The following ASB18 variants were observed in gnomAD, a reference collection of about 807,000 sequenced individuals.
ASB18 encodes the protein ankyrin repeat and SOCS box containing 18, also known as ankyrin repeat and SOCS box protein 18.
ASB18 carries 33 observed loss-of-function variants against 33.4 expected under a neutral mutation model. The ratio of observed to expected loss-of-function variants is 0.99; its 90% CI spans 0.75 to 1.32. The LOEUF is 1.32. Among genes scored for constraint, ASB18 ranks in the 40% most tolerant of loss-of-function variants. ASB18 has a pLI of 0.00. For synonymous variants in ASB18, 295 were observed against 307.6 expected, an observed-to-expected ratio of 0.96 and a Z score of 0.43; for missense variants, 694 against 655.5, an observed-to-expected ratio of 1.06 and a Z score of -0.64.
Position 236,260,363 on chromosome 2 carries a change from A to C in ASB18, c.205+3778T>G, listed in dbSNP as rs141540489. On this transcript the variant is annotated intron_variant, in intron 1 of 5. Transcript: ENST00000409749. The surrounding 1 kb of genome is among the most constrained non-coding windows in gnomAD (Gnocchi z 5.1). ...TGTGTTATCATTCCTTCCTCTTCAC[A>C]TTCCTCCTCTCAGGGATTTCGGTGT... Among the ~76,000 whole-genome samples, 84 of 152,000 alleles carry C rather than the reference A, an allele frequency of 5.5e-4. No individual in the cohort carries two copies. Among genetic ancestry groups the C allele is most frequent in the African/African-American group, 1.9e-3 (78 of 41,434 alleles).
At chr2:236,198,290 GTGAA>G (rs2060383666) in intron 4 of ASB18, among the ~76,000 whole-genome samples, 1 of 152,156 alleles carries the variant, frequency 6.6e-6, no homozygotes, top group South Asian at 2.1e-4. Flanking sequence ...ACAACAATGG[GTGAA>G]TGCTTTGCAT....
rs1462731146 is a variant in ASB18 at position 236,260,602 on chromosome 2, A to G, written c.205+3539T>C. Among the ~76,000 whole-genome samples, 1 of 152,240 alleles carries G rather than the reference A, an allele frequency of 6.6e-6. No individual in the cohort carries two copies. The highest frequency in any genetic ancestry group is 1.5e-5 in the Non-Finnish European group (1 of 68,046). ...GAACCTATGCCCATTTTAGGCTGCG[A>G]CAGTGAGTCTTTGGGATTATGGCCT... On this transcript the variant is annotated intron_variant, in intron 1 of 5. Transcript: ENST00000409749. This position sits in a 1 kb window ranked among gnomAD's most constrained non-coding sequence, Gnocchi z 5.1.
chr2:236,261,957 T>C (rs965787105), intron 1 of ASB18, among the ~76,000 whole-genome samples: 14 of 152,114 alleles, frequency 9.2e-5, no homozygotes, highest in African/African-American at 2.7e-4. Context: ...TTCAATTATC[T>C]CCCACTGGGT....
In ASB18 at chr2:236,259,558, G is replaced by T. The variant is rs772703279; in HGVS notation, c.205+4583C>A. 4.2e-6 allele frequency: 2 copies of T among 471,218 alleles called. No individual in the cohort carries two copies. The highest frequency in any genetic ancestry group is 2.3e-5 in the Admixed American group (1 of 42,586). 29.2% of individuals were successfully genotyped at this position (471,218 alleles called of 1,614,324 possible). ...GGGAAGGGATGGCCTTCCAGTGGAC[G>T]TGACCTCCCCTGCATGGGGTCGGAA... On this transcript the variant is annotated intron_variant, in intron 1 of 5. Transcript: ENST00000409749. This position sits in a 1 kb window ranked among gnomAD's most constrained non-coding sequence, Gnocchi z 4.4.
Position 236,237,868 on chromosome 2 carries a change from C to A in ASB18, c.417G>T (p.Leu139=). ...CGTCTGGGTCTGCGCCGCGGCCGAG[C>A]AGGTGTCGCACGCAGGCGGTGTGGC... The part of the protein sequence containing the change: ...AHGHTACVRH[L]LGRGADPDAS... The change falls in exon 3 of 6, where the codon CTG becomes CTT. Residue 139 remains leucine (L), a synonymous_variant. Transcript: ENST00000409749. The surrounding 1 kb of genome is among the most constrained non-coding windows in gnomAD (Gnocchi z 6.2). The A allele has an allele frequency of 6.8e-7, 1 of 1,474,350 alleles. No homozygotes were observed. The highest frequency in any genetic ancestry group is 8.9e-7 in the Non-Finnish European group (1 of 1,121,270). 91.3% of individuals were successfully genotyped at this position (1,474,350 alleles called of 1,614,324 possible).
At chr2:236,243,142 G>A (rs1367097259) in intron 1 of ASB18, among the ~76,000 whole-genome samples, 1 of 150,604 alleles carries the variant, frequency 6.6e-6, no homozygotes, top group East Asian at 2.0e-4. Context: ...CATCCTGGCT[G>A]ACACAGTGAA....
rs1032525353 is a variant in ASB18 at position 236,211,751 on chromosome 2, G to C, written c.1101+2611C>G. ...AAGAGGCTGCCTCTAGCTTTCCACA[G>C]AGTTTTGCTTCGGTTGTGGGGACCA... On this transcript the variant is annotated intron_variant, in intron 4 of 5. Coordinates refer to ENST00000409749, the MANE Select transcript of ASB18 (RefSeq NM_212556.4). The surrounding 1 kb of genome is among the most constrained non-coding windows in gnomAD (Gnocchi z 5.0). 1.3e-5 allele frequency among the ~76,000 whole-genome samples: 2 copies of C among 152,146 alleles called. No homozygotes were observed. Among genetic ancestry groups the C allele is most frequent in the Non-Finnish European group, 2.9e-5 (2 of 68,008 alleles).
chr2:236,237,985 C>A lies in ASB18; in HGVS notation c.329-29G>T. 1.4e-6 allele frequency: 2 copies of A among 1,456,678 alleles called. No individual in the cohort carries two copies. Among genetic ancestry groups the A allele is most frequent in the South Asian group, 1.3e-5 (1 of 75,508 alleles). 90.2% of individuals were successfully genotyped at this position (1,456,678 alleles called of 1,614,324 possible). ...CGGGGAGGGAGGTGGGATGTAAGGT[C>A]AGGGGGAGGTTAGTTGTGGTGGTGG... On this transcript the variant is annotated intron_variant, in intron 2 of 5. Transcript: ENST00000409749. This position sits in a 1 kb window ranked among gnomAD's most constrained non-coding sequence, Gnocchi z 6.2.
chr2:236,216,334 G>T lies in ASB18; in HGVS notation c.597-1468C>A, dbSNP rs2060487810. 6.6e-6 allele frequency among the ~76,000 whole-genome samples: 1 copy of T among 152,130 alleles called. No individual in the cohort carries two copies. The highest frequency in any genetic ancestry group is 2.4e-5 in the African/African-American group (1 of 41,438). On this transcript the variant is annotated intron_variant, in intron 3 of 5. Coordinates refer to ENST00000409749, the MANE Select transcript of ASB18 (RefSeq NM_212556.4). The surrounding 1 kb of genome is among the most constrained non-coding windows in gnomAD (Gnocchi z 6.1). Reference sequence around the variant, plus strand: ...GCTGTCTACATCAGCTTCATTCAGGGTGCAGCTCCCAGGAACTCCCTCACC... The same window carrying T: ...GCTGTCTACATCAGCTTCATTCAGGTTGCAGCTCCCAGGAACTCCCTCACC...
In ASB18 at chr2:236,241,963, A is replaced by G. The variant is rs919354962; in HGVS notation, c.206-561T>C. On this transcript the variant is annotated intron_variant, in intron 1 of 5. Coordinates refer to ENST00000409749, the MANE Select transcript of ASB18 (RefSeq NM_212556.4). This position sits in a 1 kb window ranked among gnomAD's most constrained non-coding sequence, Gnocchi z 4.2. ...CTTTGGTGACCAGAATACTTAGCAA[A>G]TAAGTAATATCCTCTCAGATTTTTT... Among the ~76,000 whole-genome samples, 4 of 152,234 alleles carry G rather than the reference A, an allele frequency of 2.6e-5. No homozygotes were observed. Among genetic ancestry groups the G allele is most frequent in the African/African-American group, 7.2e-5 (3 of 41,466 alleles).
At position 236,211,149 on chromosome 2, in the gene ASB18, C is replaced by G. The variant is rs891380344; in HGVS notation, c.1101+3213G>C. Reference sequence around the variant, plus strand: ...ATGCCAAACAAGTTCAGGTCCACGTCTGTGTGTGCTTCTCTGCCTTCCTAC... The same window carrying G: ...ATGCCAAACAAGTTCAGGTCCACGTGTGTGTGTGCTTCTCTGCCTTCCTAC... On this transcript the variant is annotated intron_variant, in intron 4 of 5. Coordinates refer to ENST00000409749, the MANE Select transcript of ASB18 (RefSeq NM_212556.4). This position sits in a 1 kb window ranked among gnomAD's most constrained non-coding sequence, Gnocchi z 5.0. Among the ~76,000 whole-genome samples the G allele has an allele frequency of 4.5e-4, 69 of 152,222 alleles. 7 individuals are homozygous for G. The highest frequency in any genetic ancestry group is 4.4e-5 in the Non-Finnish European group (3 of 68,048).
In ASB18 at chr2:236,205,033, G is replaced by A. The variant is rs139847793; in HGVS notation, c.1102-8648C>T. On this transcript the variant is annotated intron_variant, in intron 4 of 5. Coordinates refer to ENST00000409749, the MANE Select transcript of ASB18 (RefSeq NM_212556.4). This position sits in a 1 kb window ranked among gnomAD's most constrained non-coding sequence, Gnocchi z 5.4. ...TGTCCACACCACCATCACCCCTCCT[G>A]TGAATCACAGCAACACCCTCCTAAC... is the stretch of plus-strand genomic sequence containing the variant. 7.2e-5 allele frequency among the ~76,000 whole-genome samples: 11 copies of A among 152,260 alleles called. No individual in the cohort carries two copies. The East Asian group carries it at 2.1e-3, about 29-fold the overall frequency.
intron 4 of ASB18, among the ~76,000 whole-genome samples, chr2:236,198,956 T>A (rs1048640791): frequency 2.0e-4 from 31 of 152,226 alleles, no homozygotes; most frequent in Non-Finnish European, 4.0e-4. Flanking sequence ...TTCCTAACTT[T>A]AATAGGATTG....
chr2:236,208,318 A>G lies in ASB18; in HGVS notation c.1101+6044T>C, dbSNP rs2060443593. Among the ~76,000 whole-genome samples the G allele has an allele frequency of 6.6e-6, 1 of 151,980 alleles. No individual in the cohort carries two copies. The highest frequency in any genetic ancestry group is 2.4e-5 in the African/African-American group (1 of 41,380). On this transcript the variant is annotated intron_variant, in intron 4 of 5. Coordinates refer to ENST00000409749, the MANE Select transcript of ASB18 (RefSeq NM_212556.4). This position sits in a 1 kb window ranked among gnomAD's most constrained non-coding sequence, Gnocchi z 7.7. Reference sequence around the variant, plus strand: ...TCTGGCTCACACGAGCCCCACTAACATGCCATTTCCTCGTGCACGGCAGTC... The same window carrying G: ...TCTGGCTCACACGAGCCCCACTAACGTGCCATTTCCTCGTGCACGGCAGTC...
chr2:236,207,872 C>T (rs1461333785), intron 4 of ASB18, among the ~76,000 whole-genome samples: 2 of 151,090 alleles, frequency 1.3e-5, no homozygotes, highest in Admixed American at 6.6e-5. Flanking sequence ...AACTTACGGC[C>T]GTGCAGCAGA....
At chr2:236,206,315 T>C (rs1485403219) in intron 4 of ASB18, among the ~76,000 whole-genome samples, 1 of 152,158 alleles carries the variant, frequency 6.6e-6, no homozygotes, top group Non-Finnish European at 1.5e-5. Context: ...CCAATCTCCT[T>C]TGCCAGTTAT....
In ASB18 at chr2:236,253,136, G is replaced by A. The variant is rs886568883; in HGVS notation, c.205+11005C>T. 1.7e-4 allele frequency among the ~76,000 whole-genome samples: 26 copies of A among 152,166 alleles called. No homozygotes were observed. Among genetic ancestry groups the A allele is most frequent in the African/African-American group, 2.4e-5 (1 of 41,468 alleles). ...TGCCAAACTCCAGTCAGCACCCAAC[G>A]CTGACCCCTGAGCTCACGAGCCACT... On this transcript the variant is annotated intron_variant, in intron 1 of 5. Transcript: ENST00000409749. The surrounding 1 kb of genome is among the most constrained non-coding windows in gnomAD (Gnocchi z 5.4).
intron 4 of ASB18, among the ~76,000 whole-genome samples, chr2:236,212,568 A>T (rs2060463833): frequency 6.6e-6 from 1 of 152,186 alleles, no homozygotes; most frequent in Admixed American, 6.5e-5. Flanking sequence ...AAGTCAGAAA[A>T]AAATAATTGG....
Position 236,248,596 on chromosome 2 carries a change from A to C in ASB18, c.206-7194T>G, listed in dbSNP as rs2060655335. 6.6e-6 allele frequency: 1 copy of C among 151,958 alleles called. No individual in the cohort carries two copies. The highest frequency in any genetic ancestry group is 2.4e-5 in the African/African-American group (1 of 41,386). The allele number at this position is 151,958 out of a possible 1,614,324, so 9.4% of individuals were successfully genotyped here. On this transcript the variant is annotated intron_variant, in intron 1 of 5. Transcript: ENST00000409749. The surrounding 1 kb of genome is among the most constrained non-coding windows in gnomAD (Gnocchi z 4.9). ...CAACAGAGCAAGACTCCGTCTCAAA[A>C]AAAAAAAAAAGAAAGAAAAAAGAGT... is the stretch of plus-strand genomic sequence containing the variant.
Sources: gnomAD v4.1 joint callset for allele counts (sites outside exome capture counted in the v4.1 genomes callset) on GRCh38, gnomAD v4.1.1 for gene constraint, Gnocchi (gnomAD v3.1) non-coding constraint, MANE v1.5 for transcripts, NCBI Gene and HGNC (gene_info 2026-07-23, HGNC 2026-07-21) for gene names.